Variants in TTN observed in about 807,000 individuals in gnomAD.
TTN encodes connectin.
In TTN, 1,525 loss-of-function variants were observed where a neutral mutation model predicts 3,223.0. That is an observed-to-expected ratio of 0.47 (90% CI 0.45 to 0.49). The LOEUF (loss-of-function observed/expected upper bound fraction) is 0.49. Ranked by LOEUF, TTN falls within the 20% of genes least tolerant of loss-of-function variation. The pLI, the probability that TTN is intolerant of heterozygous loss-of-function variation, is 0.00. For missense variants in TTN, 40,786 were observed against 43,424.0 expected (o/e 0.94, Z 5.40); for synonymous variants, 14,094 against 15,161.0 (o/e 0.93, Z 5.17).
Position 178,664,754 on chromosome 2 carries a change from G to T in TTN, c.36119-17C>A. 1 of 1,611,876 alleles carries T rather than the reference G, an allele frequency of 6.2e-7. No individual in the cohort carries two copies. The highest frequency in any genetic ancestry group is 8.5e-7 in the Non-Finnish European group (1 of 1,179,432). ...CTTCAGGCACTTTAAGAAATTAGTA[G>T]TTTTATGTTTAGTGTTATGCAGATA... On this transcript the variant is annotated splice_polypyrimidine_tract_variant and intron_variant, in intron 166 of 362. Transcript: ENST00000589042.
chr2:178,699,937 G>C (rs1021274317), intron 111 of TTN, among the ~76,000 whole-genome samples: 1 of 149,880 alleles, frequency 6.7e-6, no homozygotes, highest in Non-Finnish European at 1.5e-5. Flanking sequence ...TCGTGGTCTC[G>C]ATCTCCTGAC....
Position 178,792,096 on chromosome 2 carries a change from T to C in TTN, c.1638A>G (p.Lys546=). 7 of 1,612,804 alleles carry C rather than the reference T, an allele frequency of 4.3e-6. No individual in the cohort carries two copies. The highest frequency in any genetic ancestry group is 3.3e-5 in the South Asian group (3 of 90,884). Residue 546 remains lysine (K), a synonymous_variant, in exon 10 of 363, where the codon AAA becomes AAG. Transcript: ENST00000589042. ...CTGCTTCTTGAGTTACTTGTTTCTGTTTCTTAGTAATTTCTTCAGAAATTC... is the reference window on the plus strand; with the variant it reads ...CTGCTTCTTGAGTTACTTGTTTCTGCTTCTTAGTAATTTCTTCAGAAATTC... ...ETRISEEITK[K]QKQVTQEAIR...
In TTN at chr2:178,773,367, T is replaced by C. The variant is rs372407708; in HGVS notation, c.7597A>G (p.Ile2533Val). ...TCACGAAGACCTCTGATAATTTTAA[T>C]TTCTGGGGAAAAAATAAAATAATCT... ...ETNCNLSVEK[I>V]KIIRGLRDLT... Residue 2533 changes from isoleucine to valine, a missense_variant and splice_region_variant, in exon 33 of 363, where the codon ATT becomes GTT. Physicochemically the swap from Ile to Val is conservative, Grantham distance 29. Coordinates refer to ENST00000589042, the MANE Select transcript of TTN (RefSeq NM_001267550.2). The C allele has an allele frequency of 1.1e-5, 18 of 1,614,008 alleles. No individual in the cohort carries two copies. The African/African-American group carries it at 2.4e-4, about 22-fold the overall frequency.
Position 178,776,092 on chromosome 2 carries a change from T to G in TTN, c.5772A>C (p.Lys1924Asn). 6.2e-7 allele frequency: 1 copy of G among 1,614,180 alleles called. No homozygotes were observed. The highest frequency in any genetic ancestry group is 8.5e-7 in the Non-Finnish European group (1 of 1,180,004). Residue 1924 changes from lysine (K) to asparagine (N), a missense_variant, in exon 28 of 363, where the codon AAA becomes AAC. By Grantham distance (94) the Lys-to-Asn change is moderately conservative. Coordinates refer to ENST00000589042, the MANE Select transcript of TTN (RefSeq NM_001267550.2). ...CCCTCTGTTGAATCTCAAGCTTCACTTTATGCTCTATCACACCTTCAGGAT... is the reference window on the plus strand; with the variant it reads ...CCCTCTGTTGAATCTCAAGCTTCACGTTATGCTCTATCACACCTTCAGGAT... ...AENPEGVIEH[K>N]VKLEIQQRED...
At chr2:178,720,723 T>A (rs2078222983) in intron 79 of TTN, 60 bp from the exon 80 acceptor site, 1 of 1,468,522 alleles carries the variant, frequency 6.8e-7, no homozygotes, top group Middle Eastern at 1.9e-4. Flanking sequence ...GAAAAAAAAA[T>A]TAAATCTAGA....
chr2:178,583,290 T>C, intron 312 of TTN, 63 bp from the exon 313 acceptor site: 8 of 1,374,340 alleles, frequency 5.8e-6, no homozygotes, highest in Non-Finnish European at 7.7e-6. Context: ...TCCTTATTAA[T>C]AATAGTGGGA....
chr2:178,696,190 T>C lies in TTN; in HGVS notation c.30882A>G (p.Lys10294=), dbSNP rs1444953974. 1.9e-5 allele frequency: 29 copies of C among 1,561,168 alleles called. No individual in the cohort carries two copies. The highest frequency in any genetic ancestry group is 2.5e-5 in the Non-Finnish European group (29 of 1,151,258). Residue 10294 remains lysine (K), a synonymous_variant, in exon 114 of 363, where the codon AAA becomes AAG. Transcript: ENST00000589042. The part of the protein sequence containing the change: ...MTITRKKEVQ[K]EKEAVYEKKQ... ...TTTTCTCATACACAGCTTCTTTTTC[T>C]TTCTGAACCTCTTTCTTTCTGGTTA... is the stretch of plus-strand genomic sequence containing the variant.
Position 178,725,363 on chromosome 2 carries a change from C to A in TTN, c.20836+5G>T. Reference sequence around the variant, plus strand: ...CCAGTTTCTATCGTGGGCTATTGTACCAACCTAAGACCATCAGTGTGGCCA... The same window carrying A: ...CCAGTTTCTATCGTGGGCTATTGTAACAACCTAAGACCATCAGTGTGGCCA... On this transcript the variant is annotated splice_donor_5th_base_variant and intron_variant, in intron 71 of 362. Transcript: ENST00000589042. The A allele has an allele frequency of 6.6e-7, 1 of 1,517,302 alleles. No homozygotes were observed. Among genetic ancestry groups the A allele is most frequent in the Non-Finnish European group, 8.8e-7 (1 of 1,130,162 alleles). 94.0% of individuals were successfully genotyped at this position (1,517,302 alleles called of 1,614,324 possible). A position where few individuals can be genotyped will look rare whatever the true frequency, so the allele number is the denominator to read the frequency against.
At position 178,748,557 on chromosome 2, in the gene TTN, C is replaced by T. The variant is rs538644074; in HGVS notation, c.11311+4567G>A. Reference sequence around the variant, plus strand: ...GAATACATTTGTTTTAGATCAAATACAATGTTCTCAGTGTCAGCAGGATGT... The same window carrying T: ...GAATACATTTGTTTTAGATCAAATATAATGTTCTCAGTGTCAGCAGGATGT... On this transcript the variant is annotated intron_variant, in intron 47 of 362. Coordinates refer to ENST00000589042, the MANE Select transcript of TTN (RefSeq NM_001267550.2). 1.5e-5 allele frequency: 25 copies of T among 1,613,028 alleles called. No individual in the cohort carries two copies. In the South Asian group the frequency reaches 2.4e-4, roughly 16 times the overall value.
rs572833105 is a variant in TTN, at chr2:178,698,003, A to G, written c.30755-835T>C. ...ATGGAAACACCCTAAGTGTCCATCA[A>G]TGGATGAATACATAAGGAAAAGGTG... On this transcript the variant is annotated intron_variant, in intron 112 of 362. Coordinates refer to ENST00000589042, the MANE Select transcript of TTN (RefSeq NM_001267550.2). Among the ~76,000 whole-genome samples the G allele has an allele frequency of 4.1e-4, 63 of 152,326 alleles. 1 individual carries two copies. In the South Asian group the frequency reaches 0.013, roughly 31 times the overall value.
intron 354 of TTN, 180 bp from the exon 355 acceptor site, chr2:178,538,097 C>G: frequency 1.6e-6 from 1 of 616,016 alleles, no homozygotes; most frequent in Non-Finnish European, 2.8e-6. Context: ...AATAGGGATT[C>G]AATGAGCACA....
In TTN at chr2:178,544,094, G is replaced by A. The variant is rs1192866113; in HGVS notation, c.96050C>T (p.Ala32017Val). 2 of 1,609,168 alleles carry A rather than the reference G, an allele frequency of 1.2e-6. No individual in the cohort carries two copies. Residue 32017 changes from alanine to valine, a missense_variant, in exon 346 of 363, where the codon GCA becomes GTA. By Grantham distance (64) the Ala-to-Val change is moderately conservative. Coordinates refer to ENST00000589042, the MANE Select transcript of TTN (RefSeq NM_001267550.2). ...ERIEIPDLEL[A>V]DDLKKTVTIR... is the part of the protein sequence containing the mutation. ...GGTCACAGTCTTCTTTAGATCATCT[G>A]CAAGCTCAAGATCTGGTATTTCTGG...
chr2:178,557,744 T>C lies in TTN; in HGVS notation c.87610A>G (p.Thr29204Ala). The C allele has an allele frequency of 6.2e-7, 1 of 1,613,988 alleles. No homozygotes were observed. The highest frequency in any genetic ancestry group is 8.5e-7 in the Non-Finnish European group (1 of 1,179,850). Residue 29204 changes from threonine (T) to alanine (A), a missense_variant, in exon 328 of 363, where the codon ACA becomes GCA. Thr to Ala is a moderately conservative substitution (Grantham distance 58, BLOSUM62 0). Transcript: ENST00000589042. ...ATGCGGAATTGGTATTCTTCTCCTG[T>C]GGTCAGTTTCATGACTTTCATCATG... ...RTMMKVMKLT[T>A]GEEYQFRIKA...
Position 178,598,982 on chromosome 2 carries a change from A to G in TTN, c.56728T>C (p.Tyr18910His). The G allele has an allele frequency of 6.2e-7, 1 of 1,611,828 alleles. No individual in the cohort carries two copies. The highest frequency in any genetic ancestry group is 1.7e-4 in the Middle Eastern group (1 of 6,048). ...SMTVNWEEPE[Y>H]DGGSPVTGYW... is the part of the protein sequence containing the mutation. ...CCTGTCACAGGAGAGCCTCCATCAT[A>G]TTCTGGCTCTTCCCAGTTGACAGTC... The change falls in exon 291 of 363, where the codon TAT becomes CAT. Residue 18910 changes from tyrosine to histidine, a missense_variant. Tyr to His is a moderately conservative substitution (Grantham distance 83, BLOSUM62 2). Transcript: ENST00000589042.
chr2:178,675,358 TC>T (rs2067830025), intron 149 of TTN: 2 of 385,646 alleles, frequency 5.2e-6, no homozygotes, highest in Non-Finnish European at 4.4e-6. Flanking sequence ...TTTTCTTTTG[TC>T]TTTTTTTTTT....
chr2:178,612,669 C>T lies in TTN; in HGVS notation c.49949-93G>A, dbSNP rs1576435759. 4 of 1,533,886 alleles carry T rather than the reference C, an allele frequency of 2.6e-6. No individual in the cohort carries two copies. In the East Asian group the frequency reaches 9.4e-5, roughly 36 times the overall value. Reference sequence around the variant, plus strand: ...AGGCAGTCATTAAGAAGTAATGTAGCCAGGAGGAAATAATAGTAATGAATT... The same window carrying T: ...AGGCAGTCATTAAGAAGTAATGTAGTCAGGAGGAAATAATAGTAATGAATT... On this transcript the variant is annotated intron_variant, in intron 265 of 362. Transcript: ENST00000589042.
rs1191619826 is a variant in TTN, at chr2:178,722,838, A to G, written c.22061T>C (p.Val7354Ala). The G allele has an allele frequency of 6.2e-7, 1 of 1,613,150 alleles. No homozygotes were observed. Among genetic ancestry groups the G allele is most frequent in the African/African-American group, 1.3e-5 (1 of 74,872 alleles). Residue 7354 changes from valine to alanine, a missense_variant, in exon 76 of 363, where the codon GTG (valine) becomes GCG (alanine). Physicochemically the swap from Val to Ala is moderately conservative, Grantham distance 64. Coordinates refer to ENST00000589042, the MANE Select transcript of TTN (RefSeq NM_001267550.2). ...CQVAGTPEITVSWYKGDTKLR... is the reference protein window; with the variant it reads ...CQVAGTPEITASWYKGDTKLR... ...TTTGGTATCTCCTTTGTACCAAGAC[A>G]CTGTAATTTCTGGTGTCCCAGCAAC...
chr2:178,743,989 G>A (rs766122063), intron 47 of TTN, among the ~76,000 whole-genome samples: 3 of 151,858 alleles, frequency 2.0e-5, no homozygotes, highest in Non-Finnish European at 4.4e-5. Flanking sequence ...CCTATTTTCT[G>A]TACATTGTCT....
chr2:178,546,082 G>C lies in TTN; in HGVS notation c.95154C>G (p.Ser31718Arg). ...AAGTGCACTTCTCCTGTGTTACTCT[G>C]CTGACGGTGAGCTTTCCACATGGGC... ...SPGPCGKLTV[S>R]RVTQEKCTLA... Residue 31718 changes from serine to arginine, a missense_variant, in exon 343 of 363, where the codon AGC becomes AGG. Physicochemically the swap from Ser to Arg is moderately radical, Grantham distance 110. Transcript: ENST00000589042. 1 of 1,611,858 alleles carries C rather than the reference G, an allele frequency of 6.2e-7. No homozygotes were observed. Among genetic ancestry groups the C allele is most frequent in the Non-Finnish European group, 8.5e-7 (1 of 1,178,414 alleles).
Sources: gnomAD v4.1 joint callset for allele counts (sites outside exome capture counted in the v4.1 genomes callset) on GRCh38, gnomAD v4.1.1 for gene constraint, MANE v1.5 for transcripts, NCBI Gene and HGNC (gene_info 2026-07-23, HGNC 2026-07-21) for gene names.